Variants in RBMS3 observed in about 807,000 individuals in gnomAD.
RBMS3 encodes RNA binding motif single stranded interacting protein 3.
A neutral mutation model predicts 66.8 loss-of-function variants in RBMS3; 27 were observed. The observed-to-expected ratio is 0.40, with a 90% CI of 0.30 to 0.56. RBMS3 has a LOEUF of 0.56. Ranked by LOEUF, RBMS3 falls within the 20% of genes least tolerant of loss-of-function variation. RBMS3 has a pLI of 0.40. For missense variants in RBMS3, 513 were observed against 549.5 expected (o/e 0.93, Z 0.66); for synonymous variants, 188 against 183.0 (o/e 1.03, Z -0.22).
At chr3:29,287,132 G>T (rs995445372) in intron 1 of RBMS3, among the ~76,000 whole-genome samples, 1 of 152,072 alleles carries the variant, frequency 6.6e-6, no homozygotes, top group African/African-American at 2.4e-5. Context: ...GCTATTTTTT[G>T]CAGTAGTGGG....
intron 4 of RBMS3, among the ~76,000 whole-genome samples, chr3:29,705,402 G>A (rs1301546700): frequency 6.6e-6 from 1 of 152,132 alleles, no homozygotes; most frequent in Admixed American, 6.5e-5. Context: ...AGAATCACAT[G>A]TTATAGAAAC....
At chr3:29,695,362 A>G (rs577669809) in intron 4 of RBMS3, among the ~76,000 whole-genome samples, 5 of 152,322 alleles carry the variant, frequency 3.3e-5, no homozygotes, top group South Asian at 2.1e-4. Context: ...AATATGGACA[A>G]TTGGTTGGAG....
chr3:29,749,998 A>G (rs1179909283), intron 5 of RBMS3, among the ~76,000 whole-genome samples: 4 of 152,216 alleles, frequency 2.6e-5, no homozygotes, highest in African/African-American at 9.6e-5. Context: ...GCAAATGTAT[A>G]CTTTACCCCG....
intron 3 of RBMS3, among the ~76,000 whole-genome samples, chr3:29,544,318 T>A (rs2045869102): frequency 6.6e-6 from 1 of 152,154 alleles, no homozygotes; most frequent in Admixed American, 6.6e-5. Context: ...ACTTATTAAT[T>A]CATGTTCAAT....
chr3:29,356,426 A>G (rs2037224702), intron 1 of RBMS3, among the ~76,000 whole-genome samples: 1 of 152,186 alleles, frequency 6.6e-6, no homozygotes, highest in African/African-American at 2.4e-5. Flanking sequence ...AAGGCAATTT[A>G]TTGGGCCAAA....
At position 29,775,696 on chromosome 3, in the gene RBMS3, A is replaced by G. The variant is rs139083162; in HGVS notation, c.637+12707A>G. Among the ~76,000 whole-genome samples the G allele has an allele frequency of 7.9e-5, 12 of 152,206 alleles. No homozygotes were observed. In the East Asian group the frequency reaches 2.1e-3, roughly 27 times the overall value. On this transcript the variant is annotated intron_variant, in intron 6 of 14. Coordinates refer to ENST00000383767, the MANE Select transcript of RBMS3 (RefSeq NM_001003793.3). ...TTCACCAGTGTGAGTGCTATTCACC[A>G]TGTGGGACATATCTTAAGTACGTAC...
intron 4 of RBMS3, among the ~76,000 whole-genome samples, chr3:29,644,365 G>T (rs1452170013): frequency 1.3e-5 from 2 of 152,128 alleles, no homozygotes; most frequent in East Asian, 3.9e-4. Flanking sequence ...TTTTATTCCA[G>T]TAATTGTGGG....
intron 10 of RBMS3, among the ~76,000 whole-genome samples, chr3:29,906,721 C>T (rs2060388085): frequency 6.6e-6 from 1 of 151,838 alleles, no homozygotes; most frequent in South Asian, 2.1e-4. Flanking sequence ...ATATAAAATA[C>T]CCATTTCCTC....
chr3:29,890,082 G>A (rs2059963770), intron 8 of RBMS3, among the ~76,000 whole-genome samples: 1 of 151,612 alleles, frequency 6.6e-6, no homozygotes, highest in African/African-American at 2.4e-5. Context: ...GAAATAGGAG[G>A]ATTATAGCTA....
rs1019454330 is a variant in RBMS3, at chr3:29,587,110, A to C, written c.308-4A>C. On this transcript the variant is annotated splice_region_variant and splice_polypyrimidine_tract_variant and intron_variant, in intron 3 of 14. Transcript: ENST00000383767. ...ATTAACAAGGGGATTTTGTGTTTTC[A>C]CAGGTTATGGTTTTGTAGATTTTGA... 6.2e-7 allele frequency: 1 copy of C among 1,601,166 alleles called. No individual in the cohort carries two copies. The highest frequency in any genetic ancestry group is 8.5e-7 in the Non-Finnish European group (1 of 1,174,864).
intron 13 of RBMS3, among the ~76,000 whole-genome samples, chr3:29,989,369 T>C (rs918360692): frequency 6.6e-6 from 1 of 152,162 alleles, no homozygotes; most frequent in African/African-American, 2.4e-5. Flanking sequence ...GCCATTACTG[T>C]TTTATTGCCC....
chr3:29,669,693 CAT>C (rs756423118), intron 4 of RBMS3, among the ~76,000 whole-genome samples: 19 of 152,164 alleles, frequency 1.2e-4, no homozygotes, highest in Admixed American at 3.9e-4. Flanking sequence ...TCAGCCTTCA[CAT>C]GAGTGTACAT....
intron 3 of RBMS3, among the ~76,000 whole-genome samples, chr3:29,551,579 T>C (rs536164614): frequency 1.1e-4 from 16 of 152,326 alleles, no homozygotes; most frequent in Middle Eastern, 3.4e-3. Context: ...TACTTGCATA[T>C]TCGTCATAAA....
At chr3:29,965,109 C>A (rs181307239) in intron 12 of RBMS3, among the ~76,000 whole-genome samples, 2 of 151,928 alleles carry the variant, frequency 1.3e-5, no homozygotes, top group Non-Finnish European at 2.9e-5. Context: ...TTTTTTTATC[C>A]GCTTTGTTGA....
intron 1 of RBMS3, among the ~76,000 whole-genome samples, chr3:29,413,020 G>C (rs920033296): frequency 6.6e-6 from 1 of 152,208 alleles, no homozygotes; most frequent in African/African-American, 2.4e-5. Flanking sequence ...GCACTGAAAA[G>C]AGAAGATGGC....
chr3:29,473,454 C>T (rs961544529), intron 2 of RBMS3, among the ~76,000 whole-genome samples: 5 of 152,244 alleles, frequency 3.3e-5, no homozygotes, highest in East Asian at 1.9e-4. Context: ...CAGTGGATCC[C>T]GCACGGAGGC....
At chr3:29,515,112 G>A (rs1161752858) in intron 3 of RBMS3, among the ~76,000 whole-genome samples, 2 of 152,160 alleles carry the variant, frequency 1.3e-5, no homozygotes, top group African/African-American at 4.8e-5. Context: ...TAGAAAGAAT[G>A]AGGAAGTGGT....
chr3:29,362,967 C>T (rs958656328), intron 1 of RBMS3, among the ~76,000 whole-genome samples: 3 of 152,054 alleles, frequency 2.0e-5, no homozygotes, highest in Non-Finnish European at 4.4e-5. Flanking sequence ...TAGATGATTC[C>T]CTTGCTTTTG....
At chr3:29,663,649 G>T (rs1268277774) in intron 4 of RBMS3, among the ~76,000 whole-genome samples, 4 of 152,296 alleles carry the variant, frequency 2.6e-5, no homozygotes, top group Middle Eastern at 3.4e-3. Flanking sequence ...GCCTCGAGAA[G>T]ACTATACTAT....
Sources: allele counts gnomAD v4.1 joint callset (sites outside exome capture counted in the v4.1 genomes callset), GRCh38; gene constraint gnomAD v4.1.1; transcripts MANE v1.5; gene names NCBI Gene and HGNC (gene_info 2026-07-23, HGNC 2026-07-21).